Variants in CALCR observed in about 807,000 individuals in gnomAD.
CALCR encodes the protein calcitonin receptor.
A neutral mutation model predicts 59.5 loss-of-function variants in CALCR; 47 were observed. The observed-to-expected ratio is 0.79, with a 90% CI of 0.63 to 1.01. CALCR has a LOEUF of 1.01. Among genes scored for constraint, CALCR ranks in the 50% least tolerant of loss-of-function variants. CALCR has a pLI of 0.00. For synonymous variants in CALCR, 213 were observed against 211.3 expected, an observed-to-expected ratio of 1.01 and a Z score of -0.07; for missense variants, 566 against 597.1, an observed-to-expected ratio of 0.95 and a Z score of 0.54.
chr7:93,520,051 T>C (rs1801729566), intron 2 of CALCR, among the ~76,000 whole-genome samples: 1 of 152,060 alleles, frequency 6.6e-6, no homozygotes, highest in African/African-American at 2.4e-5. Flanking sequence ...TTCATAAATA[T>C]AGAATAAATT....
rs78831311 is a variant in CALCR at position 93,476,143 on chromosome 7, T to C, written c.316+1415A>G. Among the ~76,000 whole-genome samples, 829 of 151,892 alleles carry C rather than the reference T, an allele frequency of 5.5e-3. 13 individuals are homozygous for C. Among genetic ancestry groups the C allele is most frequent in the African/African-American group, 0.019 (787 of 41,510 alleles). Reference sequence around the variant, plus strand: ...TTGAGAATCACCGTCCCAAACCATATTTGGACCATTTAATGGCTCTGTGCC... The same window carrying C: ...TTGAGAATCACCGTCCCAAACCATACTTGGACCATTTAATGGCTCTGTGCC... On this transcript the variant is annotated intron_variant, in intron 5 of 13. Transcript: ENST00000426151.
intron 7 of CALCR, among the ~76,000 whole-genome samples, chr7:93,465,371 G>A (rs1800418251): frequency 6.6e-6 from 1 of 151,838 alleles, no homozygotes; most frequent in Non-Finnish European, 1.5e-5. Flanking sequence ...CTCTCTTGTT[G>A]ACACTTACTA....
chr7:93,446,647 C>T (rs1183183191), intron 8 of CALCR, among the ~76,000 whole-genome samples: 2 of 151,896 alleles, frequency 1.3e-5, no homozygotes, highest in African/African-American at 4.8e-5. Flanking sequence ...TGGAGTAAAC[C>T]AGGCATTAAA....
At chr7:93,569,574 T>C (rs149063758) in intron 2 of CALCR, among the ~76,000 whole-genome samples, 162 of 152,290 alleles carry the variant, frequency 1.1e-3, no homozygotes, top group African/African-American at 3.7e-3. Flanking sequence ...GGCACCCTCA[T>C]GGCATTTCTC....
At chr7:93,441,735 G>T (rs879030049) in intron 9 of CALCR, among the ~76,000 whole-genome samples, 2 of 152,032 alleles carry the variant, frequency 1.3e-5, no homozygotes, top group African/African-American at 4.8e-5. Flanking sequence ...TAAGGGAGCA[G>T]CCATGCAGAT....
intron 3 of CALCR, among the ~76,000 whole-genome samples, chr7:93,485,448 T>C (rs972002124): frequency 2.0e-5 from 3 of 151,776 alleles, no homozygotes; most frequent in Non-Finnish European, 1.5e-5. Context: ...GGTAATTAGA[T>C]AATCTTCAAA....
chr7:93,490,096 G>A (rs1801041154), intron 2 of CALCR, among the ~76,000 whole-genome samples: 1 of 151,888 alleles, frequency 6.6e-6, no homozygotes, highest in Non-Finnish European at 1.5e-5. Context: ...ATGCAAGTCT[G>A]GTTCAACATA....
chr7:93,554,769 G>GTA (rs55879216), intron 2 of CALCR, among the ~76,000 whole-genome samples: 11,741 of 117,072 alleles, frequency 0.1, 1,064 homozygotes, highest in Non-Finnish European at 0.12. Context: ...GCCAGGCCAT[G>GTA]TATATATATA....
chr7:93,434,726 G>A (rs1183703736), intron 12 of CALCR, among the ~76,000 whole-genome samples: 1 of 152,104 alleles, frequency 6.6e-6, no homozygotes, highest in Non-Finnish European at 1.5e-5. Context: ...GTGAACTAGT[G>A]CAATACTGTA....
chr7:93,467,046 AT>A (rs71107893), intron 7 of CALCR, among the ~76,000 whole-genome samples: 60,772 of 151,214 alleles, frequency 0.4, 12,924 homozygotes, highest in South Asian at 0.49. Flanking sequence ...TTTTCTTTCA[AT>A]TTTTTTATGA....
chr7:93,565,024 A>G (rs1304084082), intron 2 of CALCR, among the ~76,000 whole-genome samples: 3 of 152,198 alleles, frequency 2.0e-5, no homozygotes, highest in African/African-American at 7.2e-5. Flanking sequence ...TCTGCCTCTT[A>G]TACAATGTAA....
chr7:93,541,041 T>C (rs538801722), intron 2 of CALCR, among the ~76,000 whole-genome samples: 82 of 152,266 alleles, frequency 5.4e-4, no homozygotes, highest in Non-Finnish European at 8.1e-4. Flanking sequence ...AATACTGATA[T>C]GTTTTGGTTT....
At chr7:93,469,852 T>C (rs1426134223) in intron 6 of CALCR, among the ~76,000 whole-genome samples, 2 of 151,128 alleles carry the variant, frequency 1.3e-5, no homozygotes, top group East Asian at 2.0e-4. Flanking sequence ...TTCTATGAAG[T>C]TCTTTGAATT....
intron 7 of CALCR, among the ~76,000 whole-genome samples, chr7:93,463,928 C>T (rs949426905): frequency 6.6e-6 from 1 of 151,892 alleles, no homozygotes; most frequent in African/African-American, 2.4e-5. Flanking sequence ...ACCATAAGTA[C>T]CATAAATTCT....
chr7:93,497,582 C>G (rs1801235507), intron 2 of CALCR, among the ~76,000 whole-genome samples: 1 of 151,550 alleles, frequency 6.6e-6, no homozygotes, highest in Non-Finnish European at 1.5e-5. Context: ...GTCCTGTGCC[C>G]TCAGAGTGGT....
At chr7:93,566,566 G>A (rs1699204268) in intron 2 of CALCR, among the ~76,000 whole-genome samples, 1 of 152,158 alleles carries the variant, frequency 6.6e-6, no homozygotes, top group Non-Finnish European at 1.5e-5. Flanking sequence ...GAGTACAGCA[G>A]CAGAGAGAGC....
chr7:93,479,968 G>A (rs1800758378), intron 3 of CALCR, among the ~76,000 whole-genome samples: 1 of 151,628 alleles, frequency 6.6e-6, no homozygotes, highest in Non-Finnish European at 1.5e-5. Flanking sequence ...AATTTTATTG[G>A]TGCTGTGTAC....
intron 3 of CALCR, among the ~76,000 whole-genome samples, chr7:93,480,639 G>A (rs1800775517): frequency 6.6e-6 from 1 of 151,560 alleles, no homozygotes; most frequent in South Asian, 2.1e-4. Context: ...TTTTCCATGT[G>A]TGTCATTGTA....
chr7:93,480,811 G>T lies in CALCR; in HGVS notation c.52-1304C>A, dbSNP rs544067412. ...CTTGAGTGTGGGAAGTTTCTGCATA[G>T]GCACAAGGGGGGGTCGAGAAGCCTT... On this transcript the variant is annotated intron_variant, in intron 3 of 13. Transcript: ENST00000426151. Among the ~76,000 whole-genome samples, 20 of 151,908 alleles carry T rather than the reference G, an allele frequency of 1.3e-4. 1 individual carries two copies. In the South Asian group the frequency reaches 3.9e-3, roughly 30 times the overall value.
Sources: gnomAD v4.1 joint callset for allele counts (sites outside exome capture counted in the v4.1 genomes callset) on GRCh38, gnomAD v4.1.1 for gene constraint, MANE v1.5 for transcripts, NCBI Gene and HGNC (gene_info 2026-07-23, HGNC 2026-07-21) for gene names.